Variants in MRM2 observed in about 807,000 individuals in gnomAD.
The protein encoded by MRM2 is rRNA methyltransferase 2, mitochondrial.
A neutral mutation model predicts 10.9 loss-of-function variants in MRM2; 15 were observed. That is an observed-to-expected ratio of 1.37 (90% CI 0.92 to 2.11). The LOEUF (loss-of-function observed/expected upper bound fraction) is 2.11. MRM2 is among the 30% of genes most tolerant of loss of function. The pLI is 0.00. For missense variants in MRM2, 328 were observed against 321.3 expected (o/e 1.02, Z -0.16); for synonymous variants, 139 against 128.7 (o/e 1.08, Z -0.54).
At chr7:2,241,669 G>A (rs1046583069) in intron 1 of MRM2, among the ~76,000 whole-genome samples, 1 of 152,252 alleles carries the variant, frequency 6.6e-6, no homozygotes, top group Non-Finnish European at 1.5e-5. Context: ...CAAGGCCAAA[G>A]CTTCTAGCTT....
At chr7:2,237,306 C>T (rs73675844) in intron 2 of MRM2, among the ~76,000 whole-genome samples, 3,130 of 152,316 alleles carry the variant, frequency 0.021, 120 homozygotes, top group African/African-American at 0.071. Context: ...CCTCACGCCT[C>T]ACTTTATGCT....
At chr7:2,241,972 G>C in intron 1 of MRM2, 190 bp downstream of exon 1, 1 of 562,776 alleles carries the variant, frequency 1.8e-6, no homozygotes, top group Non-Finnish European at 2.9e-6. Flanking sequence ...TGCCCCTGGA[G>C]ACCTGAGGGC....
rs1445088579 is a variant in MRM2 at position 2,235,573 on chromosome 7, G to T, written c.299-9C>A. 1.9e-6 allele frequency: 3 copies of T among 1,576,524 alleles called. No individual in the cohort carries two copies. In the Admixed American group the frequency reaches 5.2e-5, roughly 27 times the overall value. On this transcript the variant is annotated splice_polypyrimidine_tract_variant and intron_variant, in intron 2 of 2. Coordinates refer to ENST00000242257, the MANE Select transcript of MRM2 (RefSeq NM_013393.3). ...AACAGGAGAGCTGGGATCTATGGAA[G>T]AAATGGTGAATGTGTTATTTATTTA...
intron 2 of MRM2, chr7:2,238,809 G>C (rs563365759): frequency 1.3e-5 from 2 of 153,362 alleles, no homozygotes; most frequent in East Asian, 3.8e-4. Flanking sequence ...TGGGTGCGGT[G>C]GCGGGCGCCT....
intron 1 of MRM2, among the ~76,000 whole-genome samples, chr7:2,239,914 A>C (rs1035603703): frequency 6.6e-6 from 1 of 152,134 alleles, no homozygotes; most frequent in Non-Finnish European, 1.5e-5. Context: ...TGATGTCCTA[A>C]CCCTTGGTAC....
intron 2 of MRM2, among the ~76,000 whole-genome samples, chr7:2,237,017 TTG>T (rs1794430914): frequency 6.8e-6 from 1 of 146,300 alleles, no homozygotes; most frequent in Admixed American, 6.6e-5. Context: ...CAAGTTATCT[TTG>T]TGTGTCTTTG....
In MRM2 at chr7:2,239,548, GCTTCGACACCGGTAACTCTCCAC is replaced by G. The variant is rs1389383013; in HGVS notation, c.145_167del (p.Val49ArgfsTer73). On this transcript the variant is annotated frameshift_variant, in exon 2 of 3. Transcript: ENST00000242257. LOFTEE classifies it high-confidence loss of function. ...CGTTCACCTCCAGGAGCTTGAAGGC[GCTTCGACACCGGTAACTCTCCAC>G]CTTCGCAGCCTTCACAAATGGGTCC... 18 of 1,613,948 alleles carry G rather than the reference GCTTCGACACCGGTAACTCTCCAC, an allele frequency of 1.1e-5. No homozygotes were observed. The highest frequency in any genetic ancestry group is 1.5e-5 in the Non-Finnish European group (18 of 1,180,042).
chr7:2,242,034 G>GA (rs1794556897), intron 1 of MRM2, 128 bp downstream of exon 1: 2 of 1,026,996 alleles, frequency 1.9e-6, no homozygotes, highest in Non-Finnish European at 2.8e-6. Context: ...CCCCTGTCGC[G>GA]CTCGCTGAGT....
rs372451168 is a variant in MRM2, at chr7:2,239,607, G to A, written c.109C>T (p.Arg37Ter). Residue 37 changes from arginine (R) to a stop codon, truncating the protein, a stop_gained, in exon 2 of 3, where the codon CGA becomes TGA. Transcript: ENST00000242257. LOFTEE classifies it high-confidence loss of function. ...RTGAEHLWLT[R>*]HLRDPFVKAA... is the part of the protein sequence containing the mutation. ...TTCACAAATGGGTCCCTGAGATGTCGGGTCAGCCACAGGTGCTCAGCGCCT... is the reference window on the plus strand; with the variant it reads ...TTCACAAATGGGTCCCTGAGATGTCAGGTCAGCCACAGGTGCTCAGCGCCT... The A allele has an allele frequency of 3.8e-5, 61 of 1,613,960 alleles. No individual in the cohort carries two copies. The highest frequency in any genetic ancestry group is 4.5e-5 in the East Asian group (2 of 44,890).
At position 2,239,715 on chromosome 7, in the gene MRM2, G is replaced by A; in HGVS notation, c.9-8C>T. The A allele has an allele frequency of 6.2e-7, 1 of 1,608,120 alleles. No homozygotes were observed. The highest frequency in any genetic ancestry group is 8.5e-7 in the Non-Finnish European group (1 of 1,175,442). On this transcript the variant is annotated splice_region_variant and splice_polypyrimidine_tract_variant and intron_variant, in intron 1 of 2. Coordinates refer to ENST00000242257, the MANE Select transcript of MRM2 (RefSeq NM_013393.3). ...CACACCAGCTTCAAGTACCTGGTGG[G>A]AGAGAAGAGGAGCAGGCAGGTTGGC...
chr7:2,239,146 T>C (rs574703807), intron 2 of MRM2: 176 of 779,174 alleles, frequency 2.3e-4, no homozygotes, highest in South Asian at 2.1e-3. Flanking sequence ...TGCACAAGCC[T>C]GGAAGGATGC....
intron 2 of MRM2, among the ~76,000 whole-genome samples, chr7:2,236,937 T>A (rs1050062872): frequency 4.1e-4 from 63 of 152,264 alleles, no homozygotes; most frequent in Middle Eastern, 3.4e-3. Flanking sequence ...AGGCAACAAG[T>A]CTTGTTTTAC....
At position 2,242,151 on chromosome 7, in the gene MRM2, G is replaced by T. The variant is rs754225031; in HGVS notation, c.8+11C>A. ...CGCTGTCTGCACGCGCAGCAGCAGC[G>T]CCCAGCTCACCCCGCCATTGGTGTT... On this transcript the variant is annotated intron_variant, in intron 1 of 2. Coordinates refer to ENST00000242257, the MANE Select transcript of MRM2 (RefSeq NM_013393.3). 5.7e-6 allele frequency: 9 copies of T among 1,582,224 alleles called. No individual in the cohort carries two copies. The highest frequency in any genetic ancestry group is 4.1e-5 in the African/African-American group (3 of 73,140).
Position 2,234,216 on chromosome 7 carries a change from C to CT in MRM2, c.*905dup, listed in dbSNP as rs1451533665. The CT allele has an allele frequency of 6.6e-6, 1 of 152,174 alleles. No homozygotes were observed. Among genetic ancestry groups the CT allele is most frequent in the Non-Finnish European group, 1.5e-5 (1 of 68,040 alleles). The allele number at this position is 152,174 out of a possible 1,614,324, so 9.4% of individuals were successfully genotyped here. A position where few individuals can be genotyped will look rare whatever the true frequency, so the allele number is the denominator to read the frequency against. On this transcript the variant is annotated 3_prime_UTR_variant, in exon 3 of 3. Coordinates refer to ENST00000242257, the MANE Select transcript of MRM2 (RefSeq NM_013393.3). ...AAAGTACCTTAAAATAATGCAATCT[C>CT]TATTATTTTATTAAATATAAAGCTG...
Position 2,235,516 on chromosome 7 carries a change from A to T in MRM2, c.347T>A (p.Ile116Lys), listed in dbSNP as rs747955439. The change falls in exon 3 of 3, where the codon ATA becomes AAA. Residue 116 changes from isoleucine to lysine, a missense_variant. Ile to Lys is a moderately radical substitution (Grantham distance 102). Transcript: ENST00000242257. ...AAAAGTTGCTCCTTCCAGGGGGAAT[A>T]TGTGAAGAAGATCTACCCCAAGCAC... ...GFVLGVDLLHIFPLEGATFLC... is the reference protein window; with the variant it reads ...GFVLGVDLLHKFPLEGATFLC... 6.2e-7 allele frequency: 1 copy of T among 1,613,800 alleles called. No individual in the cohort carries two copies. The highest frequency in any genetic ancestry group is 8.5e-7 in the Non-Finnish European group (1 of 1,179,974).
chr7:2,236,830 A>C (rs946732529), intron 2 of MRM2, among the ~76,000 whole-genome samples: 1 of 151,696 alleles, frequency 6.6e-6, no homozygotes, highest in African/African-American at 2.4e-5. Context: ...AGTGGAGGGG[A>C]CTGTTGGGGA....
At chr7:2,236,049 G>T (rs566333972) in intron 2 of MRM2, among the ~76,000 whole-genome samples, 2 of 152,066 alleles carry the variant, frequency 1.3e-5, no homozygotes, top group South Asian at 4.1e-4. Flanking sequence ...GGCCAACATG[G>T]GGAAACCCCA....
intron 1 of MRM2, 35 bp from the exon 2 acceptor site, chr7:2,239,742 T>C: frequency 6.3e-7 from 1 of 1,595,470 alleles, no homozygotes. Flanking sequence ...CAGGTTGGCA[T>C]CACACAGAAC....
intron 2 of MRM2, among the ~76,000 whole-genome samples, chr7:2,237,667 G>A (rs1219758973): frequency 5.3e-5 from 8 of 152,096 alleles, no homozygotes; most frequent in Admixed American, 2.6e-4. Context: ...GGCTGACCAC[G>A]ATGGAAGCAC....
Sources: gnomAD v4.1 joint callset for allele counts (sites outside exome capture counted in the v4.1 genomes callset) on GRCh38, gnomAD v4.1.1 for gene constraint, MANE v1.5 for transcripts, NCBI Gene and HGNC (gene_info 2026-07-23, HGNC 2026-07-21) for gene names.